The following ZNF385B variants were observed in gnomAD, a reference collection of about 807,000 sequenced individuals.
ZNF385B encodes zinc finger protein 385B.
In ZNF385B, 23 loss-of-function variants were observed where a neutral mutation model predicts 39.2. The observed-to-expected ratio is 0.59, with a 90% CI of 0.42 to 0.83. The LOEUF (loss-of-function observed/expected upper bound fraction) is 0.83, where lower values mean the gene tolerates loss of function less well. ZNF385B is among the 40% of genes least tolerant of loss of function. The pLI, the probability that ZNF385B is intolerant of heterozygous loss-of-function variation, is 0.00. For synonymous variants in ZNF385B, 205 were observed against 222.6 expected (o/e 0.92, Z 0.70); for missense variants, 552 against 598.9 (o/e 0.92, Z 0.82).
intron 5 of ZNF385B, among the ~76,000 whole-genome samples, chr2:179,499,775 T>TGAAGTCC (rs2056590350): frequency 6.6e-6 from 1 of 151,978 alleles, no homozygotes; most frequent in East Asian, 1.9e-4. Flanking sequence ...ACATAGTACT[T>TGAAGTCC]GAAGTCCTAG....
At chr2:179,606,432 A>G (rs1433572550) in intron 3 of ZNF385B, among the ~76,000 whole-genome samples, 1 of 152,126 alleles carries the variant, frequency 6.6e-6, no homozygotes, top group East Asian at 1.9e-4. Context: ...GCAGTACAGT[A>G]TTGCCTTCAG....
At chr2:179,493,641 A>G (rs1390031781) in intron 5 of ZNF385B, among the ~76,000 whole-genome samples, 24 of 122,800 alleles carry the variant, frequency 2.0e-4, no homozygotes, top group Non-Finnish European at 3.1e-4. Context: ...ATATGTATAC[A>G]CATATGCGTA....
chr2:179,754,430 G>A (rs74969894), intron 3 of ZNF385B, among the ~76,000 whole-genome samples: 2,659 of 152,288 alleles, frequency 0.017, 34 homozygotes, highest in Non-Finnish European at 0.028. Flanking sequence ...TTGCTGTCAG[G>A]ATAATGCTGT....
intron 3 of ZNF385B, among the ~76,000 whole-genome samples, chr2:179,556,257 A>C (rs73976407): frequency 0.18 from 26,892 of 149,316 alleles, 3,956 homozygotes; most frequent in African/African-American, 0.24. Context: ...TTCGTCAAAC[A>C]TGTGACATAC....
chr2:179,702,535 T>G (rs1699287490), intron 3 of ZNF385B, among the ~76,000 whole-genome samples: 1 of 152,188 alleles, frequency 6.6e-6, no homozygotes, highest in Non-Finnish European at 1.5e-5. Flanking sequence ...ATTGTATTAC[T>G]AGAGCACCAT....
chr2:179,493,613 G>GTA lies in ZNF385B; in HGVS notation c.553-10181_553-10180dup, dbSNP rs1553571946. Among the ~76,000 whole-genome samples the GTA allele has an allele frequency of 7.2e-5, 7 of 96,782 alleles. 1 individual carries two copies. Among genetic ancestry groups the GTA allele is most frequent in the Admixed American group, 1.4e-4 (1 of 7,320 alleles). 63.5% of individuals were successfully genotyped at this position (96,782 alleles called of 152,430 possible). On this transcript the variant is annotated intron_variant, in intron 5 of 9. Transcript: ENST00000410066. ...CATATATGCGTATACATATATGTAC[G>GTA]TACATATATGTATACGCATATGTAT...
At chr2:179,727,989 T>C (rs1701128395) in intron 3 of ZNF385B, among the ~76,000 whole-genome samples, 1 of 152,116 alleles carries the variant, frequency 6.6e-6, no homozygotes. Flanking sequence ...CACTTCAAGA[T>C]GTTTCTGTAG....
intron 4 of ZNF385B, among the ~76,000 whole-genome samples, chr2:179,543,019 C>A (rs1455512025): frequency 6.6e-6 from 1 of 151,994 alleles, no homozygotes; most frequent in Non-Finnish European, 1.5e-5. Flanking sequence ...CATCTGTAAC[C>A]CCAGCAGTTT....
intron 5 of ZNF385B, among the ~76,000 whole-genome samples, chr2:179,499,423 A>G (rs1406220750): frequency 1.3e-5 from 2 of 152,076 alleles, no homozygotes; most frequent in African/African-American, 4.8e-5. Context: ...GAATTAGACA[A>G]TACATTAGAA....
intron 1 of ZNF385B, among the ~76,000 whole-genome samples, chr2:179,857,822 A>G (rs1290836580): frequency 6.6e-6 from 1 of 152,196 alleles, no homozygotes; most frequent in Non-Finnish European, 1.5e-5. Flanking sequence ...CTTGTCATGT[A>G]GTAGGCACTC....
At chr2:179,731,961 A>G (rs1701422309) in intron 3 of ZNF385B, among the ~76,000 whole-genome samples, 1 of 152,206 alleles carries the variant, frequency 6.6e-6, no homozygotes, top group Admixed American at 6.5e-5. Flanking sequence ...CATGACACGA[A>G]CAGACCACCA....
At chr2:179,733,617 C>T (rs1701539345) in intron 3 of ZNF385B, among the ~76,000 whole-genome samples, 1 of 152,034 alleles carries the variant, frequency 6.6e-6, no homozygotes, top group Non-Finnish European at 1.5e-5. Flanking sequence ...CCCGTCTCTA[C>T]TAAAAATACA....
intron 3 of ZNF385B, among the ~76,000 whole-genome samples, chr2:179,751,696 G>T (rs993015560): frequency 2.6e-5 from 4 of 151,994 alleles, no homozygotes; most frequent in African/African-American, 9.7e-5. Context: ...GGGCGTCAAA[G>T]AACAGTACAG....
intron 1 of ZNF385B, among the ~76,000 whole-genome samples, chr2:179,816,574 G>A (rs963423761): frequency 7.9e-5 from 12 of 152,188 alleles, no homozygotes; most frequent in Non-Finnish European, 1.5e-4. Flanking sequence ...GCAGAGAGCA[G>A]GAGGATCTTC....
intron 1 of ZNF385B, among the ~76,000 whole-genome samples, chr2:179,840,080 C>T (rs962365332): frequency 6.6e-6 from 1 of 152,196 alleles, no homozygotes; most frequent in African/African-American, 2.4e-5. Context: ...ATGGAAGATA[C>T]CTGCATAGGC....
At chr2:179,450,540 C>CCA (rs1214022117) in intron 6 of ZNF385B, among the ~76,000 whole-genome samples, 2 of 152,244 alleles carry the variant, frequency 1.3e-5, no homozygotes, top group Non-Finnish European at 2.9e-5. Flanking sequence ...CAAATCAAAA[C>CCA]CACAGTGAGA....
intron 3 of ZNF385B, among the ~76,000 whole-genome samples, chr2:179,723,483 G>A (rs903904925): frequency 3.9e-5 from 6 of 152,044 alleles, no homozygotes; most frequent in East Asian, 1.9e-4. Flanking sequence ...AAGTAATTGC[G>A]GTTTTTGCCG....
At chr2:179,723,614 G>T (rs973874130) in intron 3 of ZNF385B, among the ~76,000 whole-genome samples, 14 of 151,956 alleles carry the variant, frequency 9.2e-5, no homozygotes, top group Admixed American at 7.2e-4. Flanking sequence ...TTTAAAACAC[G>T]CATATTTAGT....
At chr2:179,496,384 C>A (rs906202081) in intron 5 of ZNF385B, among the ~76,000 whole-genome samples, 1 of 151,924 alleles carries the variant, frequency 6.6e-6, no homozygotes, top group Non-Finnish European at 1.5e-5. Flanking sequence ...AGTTATTGGC[C>A]TTAAAGGGGA....
Sources: gnomAD v4.1 joint callset for allele counts (sites outside exome capture counted in the v4.1 genomes callset) on GRCh38, gnomAD v4.1.1 for gene constraint, MANE v1.5 for transcripts, NCBI Gene and HGNC (gene_info 2026-07-23, HGNC 2026-07-21) for gene names.